CD6: variants seen among roughly 807,000 people sequenced by gnomAD.
CD6 encodes the protein CD6 molecule, also known as T-cell differentiation antigen CD6.
Under a neutral mutation model 75.3 loss-of-function variants are expected in CD6, and 53 were observed. The ratio of observed to expected loss-of-function variants is 0.70; its 90% confidence interval spans 0.56 to 0.88. CD6 has a LOEUF of 0.88. Ranked by LOEUF, CD6 falls within the 40% of genes least tolerant of loss-of-function variation. The probability of loss-of-function intolerance (pLI) is 0.00; values close to 1 mark genes in which losing one functional copy is unlikely to be tolerated. For synonymous variants in CD6, 359 were observed against 381.5 expected (o/e 0.94, Z 0.69); for missense variants, 770 against 897.1 (o/e 0.86, Z 1.81).
rs1267123133 is a variant in CD6 at position 61,017,603 on chromosome 11, C to T, written c.1582+53C>T. On this transcript the variant is annotated intron_variant, in intron 10 of 12. Transcript: ENST00000313421. ...TGGCAGTCCCACCTCCAGAGAGTAG[C>T]TCAGCTCAGCTTGAGACCTTCCAGC... is the stretch of plus-strand genomic sequence containing the variant. The T allele has an allele frequency of 7.0e-6, 11 of 1,560,592 alleles. No homozygotes were observed. The Admixed American group carries it at 1.4e-4, about 20-fold the overall frequency.
intron 11 of CD6, 133 bp downstream of exon 11, chr11:61,018,146 C>A: frequency 7.6e-7 from 1 of 1,314,298 alleles, no homozygotes; most frequent in African/African-American, 1.5e-5. Context: ...TGCCCTTGGA[C>A]ACATCTCCCA....
At chr11:61,018,437 G>A (rs1338986436) in intron 12 of CD6, 44 bp downstream of exon 12, 1 of 1,412,296 alleles carries the variant, frequency 7.1e-7, no homozygotes, top group Admixed American at 2.0e-5. Flanking sequence ...GACAGAGAGG[G>A]ACTGGGGAGT....
chr11:60,977,127 A>G (rs1167153683), intron 1 of CD6, among the ~76,000 whole-genome samples: 1 of 152,174 alleles, frequency 6.6e-6, no homozygotes, highest in Non-Finnish European at 1.5e-5. Flanking sequence ...AATGCTGCCC[A>G]TGGCCCTCCT....
At chr11:61,013,603 G>A (rs746875236) in intron 7 of CD6, 40 bp downstream of exon 7, 14 of 1,606,608 alleles carry the variant, frequency 8.7e-6, no homozygotes, top group African/African-American at 2.7e-5. Context: ...ATCCCAGGGG[G>A]ATGTGAGCCT....
chr11:60,972,163 A>G (rs763148211), intron 1 of CD6, among the ~76,000 whole-genome samples: 4 of 152,118 alleles, frequency 2.6e-5, no homozygotes, highest in Non-Finnish European at 2.9e-5. Context: ...TGCCTTACCA[A>G]TGGGTCCCTA....
At chr11:61,014,471 A>T (rs908405550) in intron 8 of CD6, among the ~76,000 whole-genome samples, 13 of 152,226 alleles carry the variant, frequency 8.5e-5, no homozygotes, top group African/African-American at 3.1e-4. Context: ...ACAGTGGCTC[A>T]CGCCTGTAAT....
chr11:61,005,667 C>A (rs1014254131), intron 1 of CD6, among the ~76,000 whole-genome samples: 1 of 152,244 alleles, frequency 6.6e-6, no homozygotes, highest in African/African-American at 2.4e-5. Context: ...TGTAGTGGCT[C>A]ATGCCTGTAA....
At chr11:60,982,895 C>G (rs1857633007) in intron 1 of CD6, 1 of 379,764 alleles carries the variant, frequency 2.6e-6, no homozygotes, top group Non-Finnish European at 5.2e-6. Flanking sequence ...CTGTGTGAAC[C>G]AGGCACAGGC....
intron 1 of CD6, among the ~76,000 whole-genome samples, chr11:60,986,481 G>A (rs1857820551): frequency 1.3e-5 from 2 of 152,188 alleles, no homozygotes; most frequent in South Asian, 2.1e-4. Flanking sequence ...TCACTCTTCA[G>A]CTTTTGCGCT....
intron 1 of CD6, among the ~76,000 whole-genome samples, chr11:60,983,768 T>C (rs1251351281): frequency 6.6e-6 from 1 of 152,210 alleles, no homozygotes; most frequent in Non-Finnish European, 1.5e-5. Flanking sequence ...TCCAATAATA[T>C]CTTCTAAGAC....
intron 1 of CD6, among the ~76,000 whole-genome samples, chr11:60,981,071 A>G (rs1857543531): frequency 6.6e-6 from 1 of 152,154 alleles, no homozygotes; most frequent in African/African-American, 2.4e-5. Flanking sequence ...ATGAGCGCCA[A>G]GCACAGGGAC....
At chr11:60,994,176 C>T (rs966859575) in intron 1 of CD6, among the ~76,000 whole-genome samples, 1 of 152,088 alleles carries the variant, frequency 6.6e-6, no homozygotes, top group Admixed American at 6.5e-5. Context: ...CGCGGTGGCT[C>T]ATGCCTGTAA....
intron 1 of CD6, among the ~76,000 whole-genome samples, chr11:61,003,236 C>T (rs981414073): frequency 6.6e-6 from 1 of 150,582 alleles, no homozygotes; most frequent in Non-Finnish European, 1.5e-5. Context: ...AAGTGTTGGG[C>T]TTACAGGCGT....
chr11:60,982,558 G>A (rs1198942513), intron 1 of CD6: 2 of 455,784 alleles, frequency 4.4e-6, no homozygotes, highest in East Asian at 6.9e-5. Context: ...GCCTGGAGGA[G>A]GCCCGTTCCC....
chr11:61,008,631 T>A lies in CD6; in HGVS notation c.567T>A (p.Thr189=). The part of the protein sequence containing the change: ...HGEWGSVCDD[T]WDLEDAHVVC... ...AGTGGGGATCAGTGTGCGATGACACTTGGGACCTGGAGGACGCCCACGTGG... is the reference window on the plus strand; with the variant it reads ...AGTGGGGATCAGTGTGCGATGACACATGGGACCTGGAGGACGCCCACGTGG... The change falls in exon 4 of 13, where the codon ACT becomes ACA. Residue 189 remains threonine (T), a synonymous_variant. Coordinates refer to ENST00000313421, the MANE Select transcript of CD6 (RefSeq NM_006725.5). 6.2e-7 allele frequency: 1 copy of A among 1,607,754 alleles called. No homozygotes were observed.
intron 1 of CD6, among the ~76,000 whole-genome samples, chr11:60,993,101 G>A (rs761807927): frequency 6.6e-6 from 1 of 152,084 alleles, no homozygotes; most frequent in African/African-American, 2.4e-5. Flanking sequence ...GGTCTGGCAC[G>A]GGAGCCTGAG....
chr11:61,010,236 A>G (rs891443038), intron 5 of CD6, among the ~76,000 whole-genome samples: 22 of 152,266 alleles, frequency 1.4e-4, no homozygotes, highest in Non-Finnish European at 5.9e-5. Flanking sequence ...AGCTTCTGGA[A>G]CCCTGATCAT....
At chr11:61,000,475 C>T (rs924349035) in intron 1 of CD6, among the ~76,000 whole-genome samples, 1 of 152,210 alleles carries the variant, frequency 6.6e-6, no homozygotes, top group African/African-American at 2.4e-5. Context: ...CAGGATGCAA[C>T]CGTGTTTTCC....
intron 1 of CD6, among the ~76,000 whole-genome samples, chr11:60,993,489 C>T (rs941406477): frequency 1.3e-5 from 2 of 152,074 alleles, no homozygotes; most frequent in African/African-American, 2.4e-5. Flanking sequence ...CCACAGCTAC[C>T]ATATACCGCG....
Sources: allele counts gnomAD v4.1 joint callset (sites outside exome capture counted in the v4.1 genomes callset), GRCh38; gene constraint gnomAD v4.1.1; transcripts MANE v1.5; gene names NCBI Gene and HGNC (gene_info 2026-07-23, HGNC 2026-07-21).